WDR7: variants seen among roughly 807,000 people sequenced by gnomAD.
WDR7 encodes WD repeat domain 7.
In WDR7, 46 loss-of-function variants were observed where a neutral mutation model predicts 169.4. The ratio of observed to expected loss-of-function variants is 0.27; its 90% CI spans 0.21 to 0.35. The LOEUF is 0.35. WDR7 is among the 10% of genes least tolerant of loss of function. The pLI is 1.00. For missense variants in WDR7, 1,534 were observed against 1,859.3 expected (o/e 0.83, Z 3.22); for synonymous variants, 612 against 666.8 (o/e 0.92, Z 1.27).
intron 14 of WDR7, among the ~76,000 whole-genome samples, chr18:56,754,347 G>A (rs2043845541): frequency 6.7e-6 from 1 of 150,092 alleles, no homozygotes; most frequent in African/African-American, 2.5e-5. Flanking sequence ...ATATATGTGT[G>A]TATATATGTG....
chr18:56,984,830 T>C (rs1260769942), intron 26 of WDR7, among the ~76,000 whole-genome samples: 1 of 152,194 alleles, frequency 6.6e-6, no homozygotes, highest in East Asian at 1.9e-4. Flanking sequence ...GGGGCGGTTT[T>C]CCTACAGCAG....
chr18:56,693,848 AG>A (rs1285414821), intron 9 of WDR7, among the ~76,000 whole-genome samples: 1 of 151,892 alleles, frequency 6.6e-6, no homozygotes, highest in Non-Finnish European at 1.5e-5. Flanking sequence ...CTGGCATTAC[AG>A]GCATGAGCCA....
At chr18:56,801,167 C>A (rs1355708428) in intron 19 of WDR7, among the ~76,000 whole-genome samples, 2 of 152,008 alleles carry the variant, frequency 1.3e-5, no homozygotes, top group Non-Finnish European at 2.9e-5. Flanking sequence ...CTTTCATTAT[C>A]TACAATATTT....
At chr18:56,995,188 A>C in intron 26 of WDR7, among the ~76,000 whole-genome samples, 1 of 152,222 alleles carries the variant, frequency 6.6e-6, no homozygotes, top group Non-Finnish European at 1.5e-5. Context: ...GGATAAATTA[A>C]GATAGAGGAG....
intron 13 of WDR7, 84 bp from the exon 14 acceptor site, chr18:56,731,299 A>G: frequency 6.8e-7 from 1 of 1,473,286 alleles, no homozygotes; most frequent in African/African-American, 1.4e-5. Flanking sequence ...CTACTTAAAA[A>G]ATTTTCATAC....
At chr18:56,903,746 AT>A (rs2046437103) in intron 21 of WDR7, among the ~76,000 whole-genome samples, 1 of 151,994 alleles carries the variant, frequency 6.6e-6, no homozygotes, top group Non-Finnish European at 1.5e-5. Context: ...TGGAAGTTGG[AT>A]TTGGTGTTCT....
At chr18:56,744,553 C>T (rs2043673796) in intron 14 of WDR7, among the ~76,000 whole-genome samples, 1 of 151,990 alleles carries the variant, frequency 6.6e-6, no homozygotes, top group African/African-American at 2.4e-5. Context: ...TTGCTAGGAC[C>T]GACTGTGGTT....
intron 16 of WDR7, among the ~76,000 whole-genome samples, chr18:56,774,170 C>A (rs2044207790): frequency 6.6e-6 from 1 of 151,934 alleles, no homozygotes; most frequent in Non-Finnish European, 1.5e-5. Context: ...ACTTTCTGTC[C>A]TATAAATATT....
chr18:56,878,519 C>A (rs1376580716), intron 20 of WDR7, among the ~76,000 whole-genome samples: 1 of 152,052 alleles, frequency 6.6e-6, no homozygotes, highest in Non-Finnish European at 1.5e-5. Context: ...TTAATGGGCA[C>A]ATTAATAAAT....
At chr18:56,679,745 C>T (rs2025317318) in intron 3 of WDR7, among the ~76,000 whole-genome samples, 1 of 152,002 alleles carries the variant, frequency 6.6e-6, no homozygotes, top group Middle Eastern at 3.2e-3. Flanking sequence ...ATTGAGTTGC[C>T]AGACAACTTT....
chr18:56,820,448 G>A (rs1450474459), intron 20 of WDR7, among the ~76,000 whole-genome samples: 2 of 148,152 alleles, frequency 1.3e-5, no homozygotes, highest in Non-Finnish European at 3.0e-5. Flanking sequence ...TGGGTGGGTC[G>A]ACTGTACTTA....
chr18:56,946,744 G>A (rs1053444314), intron 25 of WDR7, among the ~76,000 whole-genome samples: 2 of 151,874 alleles, frequency 1.3e-5, no homozygotes, highest in Admixed American at 6.6e-5. Context: ...TGAAATACAC[G>A]GTTTTATTTC....
chr18:56,964,211 A>C (rs1181953285), intron 26 of WDR7, among the ~76,000 whole-genome samples: 11 of 125,904 alleles, frequency 8.7e-5, no homozygotes, highest in Non-Finnish European at 1.2e-4. Flanking sequence ...GTAACATGCA[A>C]AAAAAAAAAA....
intron 22 of WDR7, among the ~76,000 whole-genome samples, chr18:56,927,476 A>T (rs1230149000): frequency 6.6e-6 from 1 of 152,046 alleles, no homozygotes; most frequent in East Asian, 1.9e-4. Flanking sequence ...TTAACAGGGC[A>T]TGTGGCATAC....
At chr18:56,969,803 T>A (rs940930085) in intron 26 of WDR7, among the ~76,000 whole-genome samples, 2 of 152,228 alleles carry the variant, frequency 1.3e-5, no homozygotes, top group Non-Finnish European at 2.9e-5. Context: ...AAAATAATTA[T>A]CTTATTGCTG....
rs755593890 is a variant in WDR7 at position 56,694,727 on chromosome 18, T to A, written c.1075T>A (p.Ser359Thr). The change falls in exon 10 of 28, where the codon TCA becomes ACA. Residue 359 changes from serine to threonine, a missense_variant. By Grantham distance (58) the Ser-to-Thr change is moderately conservative. Transcript: ENST00000254442. Reference protein sequence around the residue: ...SSGRLNIWNISDTADKQGSEE... With the variant: ...SSGRLNIWNITDTADKQGSEE... ...TGGAAGGTTGAATATTTGGAACATA[T>A]CAGACACAGCTGATAAACAGGGAAG... 8 of 1,612,928 alleles carry A rather than the reference T, an allele frequency of 5.0e-6. No homozygotes were observed. The East Asian group carries it at 1.6e-4, about 32-fold the overall frequency.
chr18:56,690,212 T>C (rs2025534794), intron 7 of WDR7, among the ~76,000 whole-genome samples: 1 of 152,228 alleles, frequency 6.6e-6, no homozygotes, highest in Non-Finnish European at 1.5e-5. Flanking sequence ...ATCAAATCTT[T>C]ATTTGTGTCC....
intron 1 of WDR7, 185 bp downstream of exon 1, chr18:56,651,761 T>G (rs1025726177): frequency 2.6e-5 from 4 of 152,334 alleles, no homozygotes; most frequent in Non-Finnish European, 5.9e-5. Context: ...ACCAAGAGCG[T>G]GGGGGCCAGC....
intron 2 of WDR7, among the ~76,000 whole-genome samples, chr18:56,672,950 AG>A (rs2025167782): frequency 6.6e-6 from 1 of 152,182 alleles, no homozygotes; most frequent in Middle Eastern, 3.2e-3. Flanking sequence ...ATACTGAAGA[AG>A]GTTTTCCAAA....
Sources: gnomAD v4.1 joint callset for allele counts (sites outside exome capture counted in the v4.1 genomes callset) on GRCh38, gnomAD v4.1.1 for gene constraint, MANE v1.5 for transcripts, NCBI Gene and HGNC (gene_info 2026-07-23, HGNC 2026-07-21) for gene names.